Variants in TARS3 observed in about 807,000 individuals in gnomAD.
TARS3 encodes the protein threonine--tRNA ligase 2, cytoplasmic.
Under a neutral mutation model 103.5 loss-of-function variants are expected in TARS3, and 94 were observed. That is an observed-to-expected ratio of 0.91 (90% confidence interval 0.77 to 1.08). TARS3 has a LOEUF of 1.08. Among genes scored for constraint, TARS3 ranks in the 50% least tolerant of loss-of-function variants. TARS3 has a pLI of 0.00. For synonymous variants in TARS3, 416 were observed against 355.4 expected, an observed-to-expected ratio of 1.17 and a Z score of -1.92; for missense variants, 952 against 995.2, an observed-to-expected ratio of 0.96 and a Z score of 0.58.
At chr15:101,664,304 T>C (rs1897494368) in intron 15 of TARS3, 2 of 152,304 alleles carry the variant, frequency 1.3e-5, no homozygotes, top group Non-Finnish European at 2.9e-5. Flanking sequence ...TGCATTCTGA[T>C]GGCCCTAAGC....
chr15:101,686,075 T>G lies in TARS3; in HGVS notation c.1321-13A>C, dbSNP rs1898463823. 12 of 1,589,232 alleles carry G rather than the reference T, an allele frequency of 7.6e-6. No individual in the cohort carries two copies. Among genetic ancestry groups the G allele is most frequent in the Non-Finnish European group, 1.0e-5 (12 of 1,163,766 alleles). ...TGTGATATTCCTCCTTCAAGATACA[T>G]GCATTCAACATTAAAATCTGCTAGG... On this transcript the variant is annotated splice_polypyrimidine_tract_variant and intron_variant, in intron 10 of 18. Transcript: ENST00000335968.
In TARS3 at chr15:101,654,227, T is replaced by TA. The variant is rs201695929; in HGVS notation, c.*354dup. 4,402 of 179,214 alleles carry TA rather than the reference T, an allele frequency of 0.025. 88 individuals carry two copies. Among genetic ancestry groups the TA allele is most frequent in the Middle Eastern group, 0.079 (33 of 418 alleles). The allele number at this position is 179,214 out of a possible 1,614,324, so 11.1% of individuals were successfully genotyped here. ...AGAAAATAAGATTTTCCCTCCTATT[T>TA]AAAAAAAACTCTGCAGACTTTTATT... On this transcript the variant is annotated 3_prime_UTR_variant, in exon 19 of 19. Coordinates refer to ENST00000335968, the MANE Select transcript of TARS3 (RefSeq NM_152334.3).
intron 15 of TARS3, among the ~76,000 whole-genome samples, chr15:101,662,804 C>G (rs1897433802): frequency 6.6e-6 from 1 of 152,152 alleles, no homozygotes; most frequent in African/African-American, 2.4e-5. Flanking sequence ...GCCTGGGTAT[C>G]CAAAATTTCT....
At chr15:101,694,703 G>A (rs572307797) in intron 10 of TARS3, among the ~76,000 whole-genome samples, 6 of 152,324 alleles carry the variant, frequency 3.9e-5, no homozygotes, top group Admixed American at 3.9e-4. Context: ...TAAAAGGATA[G>A]GAAAAGATAT....
rs1897091651 is a variant in TARS3 at position 101,653,629 on chromosome 15, T to A, written c.*953A>T. On this transcript the variant is annotated 3_prime_UTR_variant, in exon 19 of 19. Transcript: ENST00000335968. The stretch of plus-strand genomic sequence containing the variant: ...TATATTGTTTTGTTTGCCAACTGTT[T>A]CACTGTTCACATCCCTCAGGAAGTT... 2 of 152,268 alleles carry A rather than the reference T, an allele frequency of 1.3e-5. 1 individual carries two copies. Among genetic ancestry groups the A allele is most frequent in the African/African-American group, 4.8e-5 (2 of 41,478 alleles). 9.4% of individuals were successfully genotyped at this position (152,268 alleles called of 1,614,324 possible).
Position 101,722,826 on chromosome 15 carries a change from CA to C in TARS3, c.369+266del, listed in dbSNP as rs201549990. Among the ~76,000 whole-genome samples the C allele has an allele frequency of 4.8e-3, 709 of 148,298 alleles. 10 individuals are homozygous for C. The highest frequency in any genetic ancestry group is 0.011 in the Admixed American group (160 of 14,852). On this transcript the variant is annotated intron_variant, in intron 2 of 18. Coordinates refer to ENST00000335968, the MANE Select transcript of TARS3 (RefSeq NM_152334.3). ...AGAGCAAACCTCCGCCTTCAAAAAA[CA>C]AAAAAAAACCAACCAAACAAAAAAA...
chr15:101,657,694 AATATTTTAAAGC>A, intron 17 of TARS3, 79 bp downstream of exon 17: 1 of 815,808 alleles, frequency 1.2e-6, no homozygotes, highest in Non-Finnish European at 1.9e-6. Context: ...TCAGTTCTGC[AATATTTTAAAGC>A]ATGAAGGACA....
chr15:101,671,975 C>A (rs1897824809), intron 13 of TARS3, among the ~76,000 whole-genome samples: 1 of 152,144 alleles, frequency 6.6e-6, no homozygotes, highest in African/African-American at 2.4e-5. Flanking sequence ...GAGAAAAGAT[C>A]ATTTATAAAT....
Position 101,723,087 on chromosome 15 carries a change from A to G in TARS3, c.369+6T>C. The G allele has an allele frequency of 6.2e-7, 1 of 1,613,770 alleles. No homozygotes were observed. The highest frequency in any genetic ancestry group is 8.5e-7 in the Non-Finnish European group (1 of 1,179,678). ...ATTTTATATTGTTTCCACAGCAACA[A>G]CTTACCTCGCTGTCAGCCTCGCTTT... On this transcript the variant is annotated splice_donor_region_variant and intron_variant, in intron 2 of 18. Transcript: ENST00000335968.
At chr15:101,699,848 G>T (rs1899170820) in intron 10 of TARS3, among the ~76,000 whole-genome samples, 1 of 152,184 alleles carries the variant, frequency 6.6e-6, no homozygotes, top group Non-Finnish European at 1.5e-5. Context: ...GAAAGTTACT[G>T]AAGAAAGTGA....
At chr15:101,717,996 G>A (rs376645084) in intron 3 of TARS3, among the ~76,000 whole-genome samples, 3 of 152,198 alleles carry the variant, frequency 2.0e-5, no homozygotes, top group Non-Finnish European at 4.4e-5. Flanking sequence ...CTTTGTGATA[G>A]TATATCAAAA....
intron 15 of TARS3, among the ~76,000 whole-genome samples, 159 bp downstream of exon 15, chr15:101,671,327 T>C (rs1450909889): frequency 6.6e-6 from 1 of 152,228 alleles, no homozygotes; most frequent in African/African-American, 2.4e-5. Context: ...AAAATTCAAG[T>C]TGATTCGCAA....
intron 10 of TARS3, among the ~76,000 whole-genome samples, chr15:101,691,788 G>A (rs1392474170): frequency 1.3e-5 from 2 of 152,050 alleles, no homozygotes; most frequent in Non-Finnish European, 2.9e-5. Context: ...GTTGATCCTA[G>A]ATATCTATTT....
intron 5 of TARS3, among the ~76,000 whole-genome samples, chr15:101,710,688 T>C (rs74793265): frequency 6.6e-6 from 1 of 152,288 alleles, no homozygotes; most frequent in African/African-American, 2.4e-5. Context: ...CTGTAAGTAG[T>C]AGCTACACAG....
chr15:101,675,687 T>C lies in TARS3; in HGVS notation c.1701A>G (p.Ser567=). 1 of 1,614,110 alleles carries C rather than the reference T, an allele frequency of 6.2e-7. No homozygotes were observed. The highest frequency in any genetic ancestry group is 8.5e-7 in the Non-Finnish European group (1 of 1,180,012). ...GCLQFLQSVY[S]TFGFSFQLNL... Reference sequence around the variant, plus strand: ...TTAATTGAAAGGAGAAGCCAAATGTTGAGTAAACAGATTGCAAAAACTGCA... The same window carrying C: ...TTAATTGAAAGGAGAAGCCAAATGTCGAGTAAACAGATTGCAAAAACTGCA... The change falls in exon 13 of 19, where the codon TCA becomes TCG. Residue 567 remains serine, a synonymous_variant. Coordinates refer to ENST00000335968, the MANE Select transcript of TARS3 (RefSeq NM_152334.3).
intron 3 of TARS3, 31 bp downstream of exon 3, chr15:101,721,095 G>C (rs1408801517): frequency 1.3e-6 from 2 of 1,561,442 alleles, no homozygotes; most frequent in Non-Finnish European, 1.8e-6. Flanking sequence ...AATTACTTAA[G>C]ATTGAATATC....
At chr15:101,672,574 C>T (rs964588956) in intron 13 of TARS3, among the ~76,000 whole-genome samples, 1 of 151,906 alleles carries the variant, frequency 6.6e-6, no homozygotes, top group Non-Finnish European at 1.5e-5. Context: ...GTCTTAGGGC[C>T]GAAGCTGCCA....
intron 5 of TARS3, among the ~76,000 whole-genome samples, chr15:101,711,605 T>C (rs1465966534): frequency 1.3e-5 from 2 of 152,260 alleles, no homozygotes; most frequent in African/African-American, 4.8e-5. Flanking sequence ...CTCTAGCTTA[T>C]TTCAAGAATA....
At chr15:101,699,515 G>A in intron 10 of TARS3, 1 of 453,204 alleles carries the variant, frequency 2.2e-6, no homozygotes, top group South Asian at 1.6e-5. Flanking sequence ...CCCAACTTGA[G>A]AGTACAAGGT....
Sources: gnomAD v4.1 joint callset for allele counts (sites outside exome capture counted in the v4.1 genomes callset) on GRCh38, gnomAD v4.1.1 for gene constraint, MANE v1.5 for transcripts, NCBI Gene and HGNC (gene_info 2026-07-23, HGNC 2026-07-21) for gene names.